The following EPHX2 variants were observed in gnomAD, a reference collection of about 807,000 sequenced individuals.
EPHX2 encodes epoxide hydrolase 2.
A neutral mutation model predicts 78.7 loss-of-function variants in EPHX2; 74 were observed. The ratio of observed to expected loss-of-function variants is 0.94; its 90% confidence interval spans 0.78 to 1.14. EPHX2 has a LOEUF of 1.14. Ranked by LOEUF, EPHX2 falls within the 50% of genes most tolerant of loss-of-function variation. EPHX2 has a pLI of 0.00. For synonymous variants in EPHX2, 251 were observed against 255.2 expected, an observed-to-expected ratio of 0.98 and a Z score of 0.16; for missense variants, 715 against 702.5, an observed-to-expected ratio of 1.02 and a Z score of -0.20.
intron 1 of EPHX2, 139 bp from the exon 2 acceptor site, chr8:27,500,787 G>C: frequency 1.4e-6 from 1 of 727,380 alleles, no homozygotes; most frequent in Non-Finnish European, 2.3e-6. Flanking sequence ...ATCCCAATTT[G>C]AACTGCGTTT....
intron 17 of EPHX2, 95 bp from the exon 18 acceptor site, chr8:27,544,091 G>A (rs1306770047): frequency 1.4e-6 from 2 of 1,432,196 alleles, no homozygotes; most frequent in East Asian, 4.6e-5. Context: ...GGCCTGCGGG[G>A]AGCAGAGAGA....
At chr8:27,541,396 A>C in intron 15 of EPHX2, 77 bp from the exon 16 acceptor site, 1 of 1,454,474 alleles carries the variant, frequency 6.9e-7, no homozygotes, top group Non-Finnish European at 9.6e-7. Context: ...GGCTGTGCAG[A>C]GCAGGTTTCT....
chr8:27,544,646 T>C lies in EPHX2; in HGVS notation c.*124T>C, dbSNP rs896660604. ...GATGGCAGCATTGTTCTGAAGGGGT[T>C]TGCAGAAAAAAAAGATTTTCTTTAC... On this transcript the variant is annotated 3_prime_UTR_variant, in exon 19 of 19. Transcript: ENST00000521400. 1.0e-6 allele frequency: 1 copy of C among 972,782 alleles called. No homozygotes were observed. Among genetic ancestry groups the C allele is most frequent in the African/African-American group, 1.7e-5 (1 of 60,322 alleles). The allele number at this position is 972,782 out of a possible 1,614,324, so 60.3% of individuals were successfully genotyped here.
intron 9 of EPHX2, among the ~76,000 whole-genome samples, chr8:27,519,774 G>C (rs180988362): frequency 5.9e-5 from 9 of 152,310 alleles, no homozygotes; most frequent in African/African-American, 2.2e-4. Context: ...TCGGCCTCCG[G>C]TGCCAGCACT....
chr8:27,516,465 C>T, intron 8 of EPHX2, 67 bp downstream of exon 8: 1 of 1,437,702 alleles, frequency 7.0e-7, no homozygotes, highest in African/African-American at 1.4e-5. Context: ...CGCTCCACGC[C>T]TCGGTGCTTT....
chr8:27,516,970 A>T (rs984490806), intron 8 of EPHX2, among the ~76,000 whole-genome samples: 28 of 143,262 alleles, frequency 2.0e-4, no homozygotes, highest in Non-Finnish European at 1.3e-4. Flanking sequence ...CCCAGGCTAG[A>T]GTGCAATGGT....
chr8:27,546,978 C>G (rs1815586603), downstream of EPHX2, among the ~76,000 whole-genome samples: 1 of 152,058 alleles, frequency 6.6e-6, no homozygotes, highest in South Asian at 2.1e-4. Context: ...TCCTACGTGT[C>G]TAGAACAGGA....
intron 1 of EPHX2, among the ~76,000 whole-genome samples, chr8:27,493,678 A>G (rs1320816697): frequency 6.8e-6 from 1 of 147,278 alleles, no homozygotes; most frequent in African/African-American, 2.7e-5. Context: ...ACTTAGGAGA[A>G]GGTGCAGGTG....
intron 11 of EPHX2, among the ~76,000 whole-genome samples, chr8:27,525,101 T>TGG (rs1337299692): frequency 7.6e-6 from 1 of 130,766 alleles, no homozygotes; most frequent in African/African-American, 3.3e-5. Context: ...TGTGTGTGTG[T>TGG]GTGTGTGCGC....
At chr8:27,499,406 C>T (rs1813686373) in intron 1 of EPHX2, among the ~76,000 whole-genome samples, 1 of 152,150 alleles carries the variant, frequency 6.6e-6, no homozygotes, top group Admixed American at 6.5e-5. Flanking sequence ...TTGAGCAAGG[C>T]CACAGATATT....
In EPHX2 at chr8:27,498,674, C is replaced by T. The variant is rs1364921429; in HGVS notation, c.102-2252C>T. On this transcript the variant is annotated intron_variant, in intron 1 of 18. Transcript: ENST00000521400. ...TGCATCACAGCACATAGCACAATGCCTCACATACCTAAGATGCTCAATAGG... is the reference window on the plus strand; with the variant it reads ...TGCATCACAGCACATAGCACAATGCTTCACATACCTAAGATGCTCAATAGG... Among the ~76,000 whole-genome samples, 3 of 152,216 alleles carry T rather than the reference C, an allele frequency of 2.0e-5. No individual in the cohort carries two copies. In the East Asian group the frequency reaches 5.8e-4, roughly 29 times the overall value.
chr8:27,507,371 G>A (rs1814052605), intron 5 of EPHX2, among the ~76,000 whole-genome samples: 1 of 152,228 alleles, frequency 6.6e-6, no homozygotes, highest in East Asian at 1.9e-4. Context: ...CTCAGGTGCA[G>A]CCCTTTAGTT....
At chr8:27,524,049 C>T (rs1814742215) in intron 11 of EPHX2, among the ~76,000 whole-genome samples, 1 of 151,920 alleles carries the variant, frequency 6.6e-6, no homozygotes, top group African/African-American at 2.4e-5. Context: ...TCTCCTGCCT[C>T]AGCCTCCTGA....
intron 12 of EPHX2, among the ~76,000 whole-genome samples, chr8:27,526,414 C>T (rs1276686610): frequency 6.6e-6 from 1 of 152,210 alleles, no homozygotes. Flanking sequence ...AGGCCTGGGC[C>T]CTGCTGTGCC....
chr8:27,491,191 G>T lies in EPHX2; in HGVS notation c.-18G>T, dbSNP rs982996777. 5.1e-6 allele frequency: 8 copies of T among 1,566,060 alleles called. No homozygotes were observed. In the African/African-American group the frequency reaches 9.6e-5, roughly 19 times the overall value. The stretch of plus-strand genomic sequence containing the variant: ...AGGTTAGCTGCGTGTCCGGGTGCTA[G>T]GCTGCAGACCCGCCGCCATGACGCT... On this transcript the variant is annotated 5_prime_UTR_variant, in exon 1 of 19. In the 5' UTR this introduces an upstream ATG that the reference lacks. Transcript: ENST00000521400.
At chr8:27,505,830 G>T (rs764980597) in intron 4 of EPHX2, among the ~76,000 whole-genome samples, 2 of 152,126 alleles carry the variant, frequency 1.3e-5, no homozygotes, top group Non-Finnish European at 2.9e-5. Context: ...ATCTAAGCCT[G>T]CACAGGAATA....
chr8:27,536,934 C>G (rs1815233372), intron 13 of EPHX2, 79 bp downstream of exon 13: 2 of 1,458,822 alleles, frequency 1.4e-6, no homozygotes, highest in Non-Finnish European at 1.9e-6. Context: ...GTGGCAGGGA[C>G]CAGGAGTAGC....
At chr8:27,512,734 A>G (rs1814298967) in intron 6 of EPHX2, among the ~76,000 whole-genome samples, 1 of 152,092 alleles carries the variant, frequency 6.6e-6, no homozygotes, top group Admixed American at 6.5e-5. Flanking sequence ...CTGTGCAGGC[A>G]GATAAACCCA....
intron 15 of EPHX2, among the ~76,000 whole-genome samples, chr8:27,541,144 C>T (rs1254074149): frequency 6.6e-6 from 1 of 152,132 alleles, no homozygotes; most frequent in African/African-American, 2.4e-5. Flanking sequence ...CCAAGTTCCC[C>T]ACCATCAGCA....
Sources: gnomAD v4.1 joint callset for allele counts (sites outside exome capture counted in the v4.1 genomes callset) on GRCh38, gnomAD v4.1.1 for gene constraint, MANE v1.5 for transcripts, NCBI Gene and HGNC (gene_info 2026-07-23, HGNC 2026-07-21) for gene names.